EML4: variants seen among roughly 807,000 people sequenced by gnomAD.
The protein encoded by EML4 is EMAP like 4, also known as echinoderm microtubule-associated protein-like 4.
EML4 carries 72 observed loss-of-function variants against 129.0 expected under a neutral mutation model. The observed-to-expected ratio is 0.56, with a 90% CI of 0.46 to 0.68. EML4 has a LOEUF of 0.68. EML4 is among the 30% of genes least tolerant of loss of function. EML4 has a pLI of 0.00. For synonymous variants in EML4, 532 were observed against 405.0 expected (o/e 1.31, Z -3.77); for missense variants, 1,363 against 1,190.6 (o/e 1.14, Z -2.13).
intron 1 of EML4, among the ~76,000 whole-genome samples, chr2:42,196,173 G>GTTATTAATGAGTGAATTAAT (rs1671885260): frequency 6.6e-6 from 1 of 152,072 alleles, no homozygotes; most frequent in Non-Finnish European, 1.5e-5. Context: ...CGTTCATTCA[G>GTTATTAATGAGTGAATTAAT]TCATTAATGA....
At chr2:42,239,511 C>CT (rs1382064503) in intron 1 of EML4, among the ~76,000 whole-genome samples, 1 of 152,208 alleles carries the variant, frequency 6.6e-6, no homozygotes, top group Non-Finnish European at 1.5e-5. Context: ...TAAAAAGAGA[C>CT]TGACTCATGC....
chr2:42,310,795 C>T (rs1342466029), intron 17 of EML4, among the ~76,000 whole-genome samples: 3 of 152,192 alleles, frequency 2.0e-5, no homozygotes, highest in African/African-American at 7.2e-5. Flanking sequence ...ACTTAAAAAA[C>T]ATTTTTTTTT....
At chr2:42,257,618 G>A (rs1392278745) in intron 3 of EML4, among the ~76,000 whole-genome samples, 8 of 152,040 alleles carry the variant, frequency 5.3e-5, no homozygotes, top group East Asian at 1.9e-4. Flanking sequence ...GGCGGATCAC[G>A]AGGTCAGGAG....
chr2:42,330,593 C>G lies in EML4; in HGVS notation c.*386C>G, dbSNP rs1670053374. The G allele has an allele frequency of 2.5e-6, 1 of 395,166 alleles. No homozygotes were observed. Among genetic ancestry groups the G allele is most frequent in the Non-Finnish European group, 4.8e-6 (1 of 209,974 alleles). 24.5% of individuals were successfully genotyped at this position (395,166 alleles called of 1,614,324 possible). A position where few individuals can be genotyped will look rare whatever the true frequency, so the allele number is the denominator to read the frequency against. On this transcript the variant is annotated 3_prime_UTR_variant, in exon 23 of 23. Coordinates refer to ENST00000318522, the MANE Select transcript of EML4 (RefSeq NM_019063.5). ...ACCAGAGGTATCACAAACACTGTTA[C>G]TCATCTACTGGCTCAGACTGTACTA... is the stretch of plus-strand genomic sequence containing the variant.
At chr2:42,177,900 C>T (rs1458213125) in intron 1 of EML4, among the ~76,000 whole-genome samples, 1 of 152,086 alleles carries the variant, frequency 6.6e-6, no homozygotes, top group African/African-American at 2.4e-5. Context: ...CATTTAATTT[C>T]AGTTACATAT....
At chr2:42,234,446 A>G (rs1000738746) in intron 1 of EML4, among the ~76,000 whole-genome samples, 5 of 152,184 alleles carry the variant, frequency 3.3e-5, no homozygotes, top group Non-Finnish European at 7.4e-5. Context: ...CTCTACCCTT[A>G]AGAATTTCTG....
At chr2:42,227,331 T>C (rs995302978) in intron 1 of EML4, among the ~76,000 whole-genome samples, 6 of 152,116 alleles carry the variant, frequency 3.9e-5, no homozygotes, top group Non-Finnish European at 1.5e-5. Flanking sequence ...ATGTTGCTCA[T>C]GCTGGCCTCA....
chr2:42,301,180 T>C (rs1572717721), intron 13 of EML4, 61 bp from the exon 14 acceptor site: 2 of 1,459,736 alleles, frequency 1.4e-6, no homozygotes, highest in Non-Finnish European at 9.4e-7. Flanking sequence ...TTCTTCCAAA[T>C]AGACACTAAA....
chr2:42,171,658 C>G (rs1670287839), intron 1 of EML4, among the ~76,000 whole-genome samples: 1 of 152,074 alleles, frequency 6.6e-6, no homozygotes, highest in African/African-American at 2.4e-5. Context: ...ATGAGACTTT[C>G]CTTTAGATAT....
At chr2:42,266,695 G>T (rs1666085387) in intron 6 of EML4, among the ~76,000 whole-genome samples, 1 of 151,362 alleles carries the variant, frequency 6.6e-6, no homozygotes, top group Non-Finnish European at 1.5e-5. Flanking sequence ...GTGATAGGAA[G>T]AGCAGTGAAT....
intron 19 of EML4, among the ~76,000 whole-genome samples, chr2:42,319,339 T>G (rs1269119281): frequency 6.6e-6 from 1 of 152,230 alleles, no homozygotes; most frequent in Non-Finnish European, 1.5e-5. Context: ...TTGGAAGTAT[T>G]GAGAAATGGC....
At chr2:42,283,347 A>G (rs1178896122) in intron 8 of EML4, among the ~76,000 whole-genome samples, 5 of 152,160 alleles carry the variant, frequency 3.3e-5, no homozygotes, top group African/African-American at 9.7e-5. Flanking sequence ...TATGTAGATA[A>G]ATTTTATACT....
In EML4 at chr2:42,329,019, A is replaced by G. The variant is rs1329229049; in HGVS notation, c.2472+3A>G. On this transcript the variant is annotated splice_donor_region_variant and intron_variant, in intron 22 of 22. Transcript: ENST00000318522. ...AGTATCCCTGCTCCAAAGCAAAGGT[A>G]AACTCACTTTAATAGAAACTAATGT... The G allele has an allele frequency of 3.7e-6, 6 of 1,609,770 alleles. No individual in the cohort carries two copies. The highest frequency in any genetic ancestry group is 4.5e-5 in the East Asian group (2 of 44,856).
chr2:42,192,161 C>T (rs1251148721), intron 1 of EML4, among the ~76,000 whole-genome samples: 2 of 150,002 alleles, frequency 1.3e-5, no homozygotes, highest in Non-Finnish European at 3.0e-5. Flanking sequence ...TGTAATTTCC[C>T]CAAGAGTCTG....
intron 1 of EML4, among the ~76,000 whole-genome samples, chr2:42,192,122 C>T (rs1445559662): frequency 7.2e-6 from 1 of 138,356 alleles, no homozygotes; most frequent in Non-Finnish European, 1.6e-5. Flanking sequence ...GAAACTGTCT[C>T]AAAAAAAAAA....
intron 1 of EML4, among the ~76,000 whole-genome samples, chr2:42,172,328 G>A (rs1670329939): frequency 6.6e-6 from 1 of 152,146 alleles, no homozygotes; most frequent in Non-Finnish European, 1.5e-5. Context: ...ACCCTTGATT[G>A]TTGCATGTTT....
chr2:42,296,581 G>A (rs1055986957), intron 13 of EML4, among the ~76,000 whole-genome samples: 6 of 152,064 alleles, frequency 3.9e-5, no homozygotes, highest in Non-Finnish European at 7.4e-5. Flanking sequence ...AGAAAGACCC[G>A]ATTTACATAT....
chr2:42,219,745 C>A (rs1305396498), intron 1 of EML4, among the ~76,000 whole-genome samples: 1 of 151,750 alleles, frequency 6.6e-6, no homozygotes, highest in African/African-American at 2.4e-5. Flanking sequence ...TGGTGAAGCC[C>A]CATCTCTACT....
chr2:42,264,990 A>AT (rs376785222), intron 6 of EML4: 1 of 1,532,584 alleles, frequency 6.5e-7, no homozygotes. Context: ...TTCTAAGTGA[A>AT]TTTTTTCCTG....
Sources: gnomAD v4.1 joint callset for allele counts (sites outside exome capture counted in the v4.1 genomes callset) on GRCh38, gnomAD v4.1.1 for gene constraint, MANE v1.5 for transcripts, NCBI Gene and HGNC (gene_info 2026-07-23, HGNC 2026-07-21) for gene names.